Variants in TBC1D4 observed in about 807,000 individuals in gnomAD.
TBC1D4 encodes TBC1 domain family member 4.
In TBC1D4, 121 loss-of-function variants were observed where a neutral mutation model predicts 142.5. The observed-to-expected ratio is 0.85, with a 90% confidence interval of 0.73 to 0.99. The LOEUF (loss-of-function observed/expected upper bound fraction) is 0.99. Ranked by LOEUF, TBC1D4 falls within the 50% of genes least tolerant of loss-of-function variation. The pLI, the probability that TBC1D4 is intolerant of heterozygous loss-of-function variation, is 0.00. For synonymous variants in TBC1D4, 630 were observed against 628.2 expected (o/e 1.00, Z -0.04); for missense variants, 1,475 against 1,606.6 (o/e 0.92, Z 1.40).
chr13:75,309,598 A>G (rs1336951050), intron 14 of TBC1D4, among the ~76,000 whole-genome samples: 2 of 152,194 alleles, frequency 1.3e-5, no homozygotes, highest in East Asian at 3.8e-4. Flanking sequence ...ATTTTTTAGA[A>G]GTGACACTAA....
intron 1 of TBC1D4, among the ~76,000 whole-genome samples, chr13:75,471,268 T>C (rs944008598): frequency 2.6e-5 from 4 of 152,220 alleles, no homozygotes; most frequent in South Asian, 4.1e-4. Flanking sequence ...CTCTATGTTA[T>C]AACTAATGTA....
intron 8 of TBC1D4, among the ~76,000 whole-genome samples, chr13:75,330,314 T>A (rs1188676487): frequency 2.0e-5 from 3 of 152,210 alleles, no homozygotes; most frequent in Admixed American, 6.5e-5. Flanking sequence ...TGACATCCTA[T>A]CTTGTTTCGT....
chr13:75,481,216 T>TG, intron 1 of TBC1D4, 54 bp downstream of exon 1: 1 of 772,280 alleles, frequency 1.3e-6, no homozygotes, highest in Non-Finnish European at 2.1e-6. Flanking sequence ...CCCGCCCTGC[T>TG]CCCCGATCCC....
At chr13:75,297,678 A>C (rs974291462) in intron 17 of TBC1D4, among the ~76,000 whole-genome samples, 7 of 151,230 alleles carry the variant, frequency 4.6e-5, no homozygotes, top group African/African-American at 9.7e-5. Flanking sequence ...AATCACTTGA[A>C]CCCAGGAGGT....
chr13:75,296,367 A>G (rs1875928243), intron 17 of TBC1D4, among the ~76,000 whole-genome samples: 1 of 152,226 alleles, frequency 6.6e-6, no homozygotes, highest in Admixed American at 6.5e-5. Flanking sequence ...AATTAGCAGC[A>G]TAAAAAGAAA....
rs1230119162 is a variant in TBC1D4 at position 75,423,313 on chromosome 13, T to G, written c.498+57957A>C. Among the ~76,000 whole-genome samples the G allele has an allele frequency of 2.0e-5, 3 of 152,284 alleles. No homozygotes were observed. In the East Asian group the frequency reaches 5.8e-4, roughly 29 times the overall value. ...AGTTTTCAGAAAATATCTTAACAGG[T>G]TGCTATATAACTTATGTCCAAAAGA... On this transcript the variant is annotated intron_variant, in intron 1 of 20. Coordinates refer to ENST00000377636, the MANE Select transcript of TBC1D4 (RefSeq NM_014832.5).
intron 4 of TBC1D4, among the ~76,000 whole-genome samples, chr13:75,353,298 A>C (rs1403079839): frequency 6.6e-6 from 1 of 152,222 alleles, no homozygotes; most frequent in African/African-American, 2.4e-5. Flanking sequence ...TAGAAGTAAC[A>C]AAGTTTTACA....
At chr13:75,315,816 T>C (rs1278157872) in intron 12 of TBC1D4, among the ~76,000 whole-genome samples, 1 of 152,174 alleles carries the variant, frequency 6.6e-6, no homozygotes, top group African/African-American at 2.4e-5. Flanking sequence ...GGGAGTCAAG[T>C]CCTAATAGCT....
At chr13:75,298,085 A>T (rs1876138673) in intron 17 of TBC1D4, among the ~76,000 whole-genome samples, 1 of 139,032 alleles carries the variant, frequency 7.2e-6, no homozygotes, top group Non-Finnish European at 1.6e-5. Flanking sequence ...AAGGCAAAAA[A>T]CTCATCTCTG....
chr13:75,340,772 C>A (rs887096624), intron 7 of TBC1D4, among the ~76,000 whole-genome samples: 5 of 151,956 alleles, frequency 3.3e-5, no homozygotes, highest in African/African-American at 1.2e-4. Flanking sequence ...CATGGAGAAA[C>A]CCCGTCTCTA....
chr13:75,475,283 T>C (rs1888588400), intron 1 of TBC1D4, among the ~76,000 whole-genome samples: 1 of 152,234 alleles, frequency 6.6e-6, no homozygotes, highest in African/African-American at 2.4e-5. Context: ...AATCCTTTAC[T>C]TGGTCAAATA....
chr13:75,398,968 G>A (rs1314342171), intron 1 of TBC1D4, among the ~76,000 whole-genome samples: 1 of 152,214 alleles, frequency 6.6e-6, no homozygotes, highest in Admixed American at 6.5e-5. Context: ...TATTCTGGGT[G>A]TGACTTTTCT....
At chr13:75,410,422 C>T (rs1444486481) in intron 1 of TBC1D4, among the ~76,000 whole-genome samples, 1 of 152,118 alleles carries the variant, frequency 6.6e-6, no homozygotes, top group Non-Finnish European at 1.5e-5. Flanking sequence ...CAGCCCGTCA[C>T]GCTAATGAAT....
At chr13:75,363,701 G>A (rs998190882) in intron 1 of TBC1D4, among the ~76,000 whole-genome samples, 3 of 152,116 alleles carry the variant, frequency 2.0e-5, no homozygotes, top group African/African-American at 7.2e-5. Context: ...GACTTCCTGG[G>A]GCTGTGTCAC....
At chr13:75,365,210 C>T (rs146800271) in intron 1 of TBC1D4, among the ~76,000 whole-genome samples, 504 of 152,208 alleles carry the variant, frequency 3.3e-3, no homozygotes, top group Non-Finnish European at 5.9e-3. Context: ...ATTTAAGATG[C>T]TAATATTACA....
At chr13:75,459,730 T>C (rs1887883497) in intron 1 of TBC1D4, among the ~76,000 whole-genome samples, 1 of 152,176 alleles carries the variant, frequency 6.6e-6, no homozygotes, top group East Asian at 1.9e-4. Context: ...AGTGTCTAGG[T>C]CAATCCTTAT....
chr13:75,393,902 G>A (rs1884626830), intron 1 of TBC1D4, among the ~76,000 whole-genome samples: 1 of 149,062 alleles, frequency 6.7e-6, no homozygotes, highest in Non-Finnish European at 1.5e-5. Context: ...ACTCCAGCCT[G>A]GGCAACAAGA....
At chr13:75,295,800 T>C (rs1459176418) in intron 17 of TBC1D4, among the ~76,000 whole-genome samples, 3 of 152,186 alleles carry the variant, frequency 2.0e-5, no homozygotes, top group African/African-American at 7.2e-5. Flanking sequence ...TTAATTTAAA[T>C]TTTTATCCAC....
At chr13:75,320,867 CA>C (rs148657060) in intron 11 of TBC1D4, among the ~76,000 whole-genome samples, 6,054 of 84,428 alleles carry the variant, frequency 0.072, 150 homozygotes, top group South Asian at 0.13. Flanking sequence ...ACTAAAAATA[CA>C]AAAAAAAAAA....
Sources: allele counts gnomAD v4.1 joint callset (sites outside exome capture counted in the v4.1 genomes callset), GRCh38; gene constraint gnomAD v4.1.1; transcripts MANE v1.5; gene names NCBI Gene and HGNC (gene_info 2026-07-23, HGNC 2026-07-21).